Variants in NCK2 observed in about 807,000 individuals in gnomAD.
The protein encoded by NCK2 is cytoplasmic protein NCK2.
Under a neutral mutation model 33.9 loss-of-function variants are expected in NCK2, and 16 were observed. The ratio of observed to expected loss-of-function variants is 0.47; its 90% CI spans 0.32 to 0.72. The LOEUF (loss-of-function observed/expected upper bound fraction) is 0.72, where lower values mean the gene tolerates loss of function less well. Among genes scored for constraint, NCK2 ranks in the 30% least tolerant of loss-of-function variants. NCK2 has a pLI of 0.03. For synonymous variants in NCK2, 273 were observed against 239.9 expected (o/e 1.14, Z -1.27); for missense variants, 418 against 537.3 (o/e 0.78, Z 2.19).
intron 3 of NCK2, among the ~76,000 whole-genome samples, chr2:105,878,052 G>T (rs756579119): frequency 6.6e-6 from 1 of 152,230 alleles, no homozygotes; most frequent in Non-Finnish European, 1.5e-5. Flanking sequence ...CTTCCCAGGT[G>T]TCAAAGTCTG....
chr2:105,826,517 CTT>C (rs898413661), intron 2 of NCK2, among the ~76,000 whole-genome samples: 14 of 152,088 alleles, frequency 9.2e-5, no homozygotes, highest in East Asian at 1.9e-4. Context: ...CTTAAAGAGA[CTT>C]ATATATAGAT....
intron 2 of NCK2, chr2:105,853,993 T>G (rs1257668481): frequency 6.6e-6 from 1 of 152,084 alleles, no homozygotes; most frequent in Admixed American, 6.6e-5. Flanking sequence ...TTGCAAAAAT[T>G]GGGCAATGCA....
intron 2 of NCK2, among the ~76,000 whole-genome samples, chr2:105,828,367 A>G (rs1471264674): frequency 1.3e-5 from 2 of 152,198 alleles, no homozygotes; most frequent in Non-Finnish European, 2.9e-5. Context: ...TTGATATACA[A>G]TTATAATTCA....
intron 2 of NCK2, chr2:105,847,175 T>G (rs1438586495): frequency 1.3e-5 from 2 of 152,272 alleles, no homozygotes; most frequent in East Asian, 3.9e-4. Flanking sequence ...AATTGAGAGT[T>G]AGTGTTCAGT....
At chr2:105,744,874 C>CCGT, upstream of NCK2, 1 of 160,518 alleles carries the variant, frequency 6.2e-6, no homozygotes, top group Non-Finnish European at 1.3e-5. Flanking sequence ...GTCGCCGCCG[C>CCGT]CGCCGCCGCC....
At chr2:105,770,902 T>TTTTG (rs1007850161) in intron 1 of NCK2, among the ~76,000 whole-genome samples, 1 of 141,926 alleles carries the variant, frequency 7.0e-6, no homozygotes, top group South Asian at 2.2e-4. Context: ...CATGATTTCT[T>TTTTG]TTTGTTTGTT....
At chr2:105,840,835 A>G (rs2377339) in intron 2 of NCK2, among the ~76,000 whole-genome samples, 7,250 of 152,268 alleles carry the variant, frequency 0.048, 250 homozygotes, top group Admixed American at 0.072. Flanking sequence ...TGAATCTTGC[A>G]TCCCCCTTTT....
chr2:105,773,323 C>T (rs115096159), intron 1 of NCK2, among the ~76,000 whole-genome samples: 2,883 of 152,148 alleles, frequency 0.019, 71 homozygotes, highest in Non-Finnish European at 0.023. Context: ...CTCTCCTTTC[C>T]AGCCACCCGC....
At chr2:105,845,321 A>T (rs1287466492) in intron 2 of NCK2, among the ~76,000 whole-genome samples, 2 of 152,222 alleles carry the variant, frequency 1.3e-5, no homozygotes, top group Non-Finnish European at 2.9e-5. Context: ...GGTGGCAAGG[A>T]AAAAGGTCAG....
At chr2:105,776,193 G>A (rs1052187241) in intron 1 of NCK2, among the ~76,000 whole-genome samples, 4 of 152,204 alleles carry the variant, frequency 2.6e-5, no homozygotes, top group African/African-American at 7.2e-5. Flanking sequence ...CTTCCTGTAC[G>A]TTGCTACAGT....
At chr2:105,746,375 C>T (rs995911498) in intron 1 of NCK2, among the ~76,000 whole-genome samples, 5 of 152,140 alleles carry the variant, frequency 3.3e-5, no homozygotes, top group Admixed American at 1.3e-4. Context: ...GCGCAGTCCC[C>T]GCTTCTCGGA....
chr2:105,748,254 G>C (rs1247934751), intron 1 of NCK2, among the ~76,000 whole-genome samples: 1 of 152,104 alleles, frequency 6.6e-6, no homozygotes, highest in Admixed American at 6.5e-5. Context: ...TCATCCCAAG[G>C]GTCGTCTCTT....
At chr2:105,876,204 G>A (rs540156146) in intron 3 of NCK2, among the ~76,000 whole-genome samples, 1 of 152,258 alleles carries the variant, frequency 6.6e-6, no homozygotes, top group East Asian at 1.9e-4. Context: ...TCAAAACCAG[G>A]TAAATTCTGT....
At chr2:105,788,637 G>T (rs1347101871) in intron 1 of NCK2, among the ~76,000 whole-genome samples, 2 of 152,134 alleles carry the variant, frequency 1.3e-5, no homozygotes, top group African/African-American at 4.8e-5. Context: ...CTGTTGGCCA[G>T]TGCAGAACTT....
chr2:105,821,438 G>A (rs1675734207), intron 2 of NCK2, among the ~76,000 whole-genome samples: 1 of 152,204 alleles, frequency 6.6e-6, no homozygotes, highest in Non-Finnish European at 1.5e-5. Flanking sequence ...GGACCCCTGG[G>A]TGATCTGGGG....
Position 105,830,670 on chromosome 2 carries a change from G to GGTGTGTGTGTGT in NCK2, c.-17+14092_-17+14103dup, listed in dbSNP as rs56220635. 3.1e-3 allele frequency among the ~76,000 whole-genome samples: 304 copies of GGTGTGTGTGTGT among 99,044 alleles called. 1 individual carries two copies. The highest frequency in any genetic ancestry group is 0.012 in the African/African-American group (291 of 25,250). 65.0% of individuals were successfully genotyped at this position (99,044 alleles called of 152,430 possible). A position where few individuals can be genotyped will look rare whatever the true frequency, so the allele number is the denominator to read the frequency against. On this transcript the variant is annotated intron_variant, in intron 2 of 4. Transcript: ENST00000233154. Reference sequence around the variant, plus strand: ...TTGTTTGCATCCTTGCCAGGAATTTGGTGTGTGTGTGTGTGTGTGTGTGTG... The same window carrying GGTGTGTGTGTGT: ...TTGTTTGCATCCTTGCCAGGAATTTGGTGTGTGTGTGTGTGTGTGTGTGTGTGTGTGTGTGTG...
intron 1 of NCK2, among the ~76,000 whole-genome samples, chr2:105,802,203 T>A (rs779533025): frequency 1.4e-4 from 22 of 152,192 alleles, no homozygotes; most frequent in Non-Finnish European, 3.1e-4. Context: ...ACTGATGTGA[T>A]GAAGTGGAAC....
At chr2:105,868,574 T>G (rs1677852454) in intron 3 of NCK2, among the ~76,000 whole-genome samples, 1 of 152,198 alleles carries the variant, frequency 6.6e-6, no homozygotes. Context: ...TGCAGTTCGT[T>G]CTAATGCTGC....
chr2:105,876,639 A>G lies in NCK2; in HGVS notation c.227-4689A>G, dbSNP rs374086685. Among the ~76,000 whole-genome samples the G allele has an allele frequency of 5.9e-5, 9 of 152,336 alleles. No homozygotes were observed. In the East Asian group the frequency reaches 1.2e-3, roughly 20 times the overall value. The stretch of plus-strand genomic sequence containing the variant: ...GAGGATTTGCCTGTCTTGTTGAGAA[A>G]ATATGTTAAAATTCTATGAGAAAAG... On this transcript the variant is annotated intron_variant, in intron 3 of 4. Transcript: ENST00000233154.
Sources: gnomAD v4.1 joint callset for allele counts (sites outside exome capture counted in the v4.1 genomes callset) on GRCh38, gnomAD v4.1.1 for gene constraint, MANE v1.5 for transcripts, NCBI Gene and HGNC (gene_info 2026-07-23, HGNC 2026-07-21) for gene names.